The following SDK1 variants were observed in gnomAD, a reference collection of about 807,000 sequenced individuals.
SDK1 encodes the protein protein sidekick-1.
Under a neutral mutation model 245.5 loss-of-function variants are expected in SDK1, and 157 were observed. That is an observed-to-expected ratio of 0.64 (90% CI 0.56 to 0.73). The LOEUF is 0.73. Ranked by LOEUF, SDK1 falls within the 30% of genes least tolerant of loss-of-function variation. SDK1 has a pLI of 0.00. For missense variants in SDK1, 3,583 were observed against 3,002.3 expected (o/e 1.19, Z -4.52); for synonymous variants, 1,647 against 1,278.5 (o/e 1.29, Z -6.15).
At chr7:3,413,039 T>C (rs1779256636) in intron 1 of SDK1, among the ~76,000 whole-genome samples, 1 of 152,166 alleles carries the variant, frequency 6.6e-6, no homozygotes, top group Non-Finnish European at 1.5e-5. Flanking sequence ...ATAATACACA[T>C]GACAATATAA....
intron 4 of SDK1, among the ~76,000 whole-genome samples, chr7:3,733,822 A>T (rs913620335): frequency 3.3e-5 from 5 of 152,182 alleles, no homozygotes; most frequent in Non-Finnish European, 7.3e-5. Context: ...AACGCCGATT[A>T]TGACTATTGT....
chr7:3,942,484 A>G (rs1201188044), intron 5 of SDK1, among the ~76,000 whole-genome samples: 2 of 152,244 alleles, frequency 1.3e-5, no homozygotes, highest in African/African-American at 2.4e-5. Flanking sequence ...AACACGATCA[A>G]AAAATACTAT....
chr7:3,990,223 C>A (rs541718430), intron 14 of SDK1, among the ~76,000 whole-genome samples: 1 of 152,356 alleles, frequency 6.6e-6, no homozygotes, highest in East Asian at 1.9e-4. Flanking sequence ...TCTAAGGTTA[C>A]ACCTTCCAGT....
At chr7:3,591,289 T>G (rs1339748371) in intron 1 of SDK1, among the ~76,000 whole-genome samples, 3 of 152,202 alleles carry the variant, frequency 2.0e-5, no homozygotes, top group Non-Finnish European at 4.4e-5. Flanking sequence ...GACCTAAGTT[T>G]TTGAAACCTC....
At chr7:3,355,282 T>C (rs776970549) in intron 1 of SDK1, among the ~76,000 whole-genome samples, 2 of 152,226 alleles carry the variant, frequency 1.3e-5, no homozygotes, top group Non-Finnish European at 2.9e-5. Flanking sequence ...AGCTATCCAC[T>C]GAAGAAAATT....
intron 1 of SDK1, among the ~76,000 whole-genome samples, chr7:3,337,667 T>G (rs1196933648): frequency 1.3e-5 from 2 of 152,162 alleles, no homozygotes; most frequent in African/African-American, 4.8e-5. Flanking sequence ...GTGTAATTTG[T>G]AGGGGAAAAC....
At chr7:3,333,281 A>G (rs548041775) in intron 1 of SDK1, among the ~76,000 whole-genome samples, 12 of 152,270 alleles carry the variant, frequency 7.9e-5, no homozygotes, top group African/African-American at 2.2e-4. Flanking sequence ...AATGTCTGCA[A>G]TGTTTTCTAG....
intron 1 of SDK1, among the ~76,000 whole-genome samples, chr7:3,336,009 C>T (rs1240872369): frequency 6.6e-6 from 1 of 152,152 alleles, no homozygotes; most frequent in Non-Finnish European, 1.5e-5. Context: ...CTATCTCCCA[C>T]ATGTCTAGTA....
rs146964114 is a variant in SDK1 at position 4,062,799 on chromosome 7, A to C, written c.2912-5039A>C. ...ATCCCAGGGATGCAAGGATGGTTCA[A>C]CATATACATATCCATAAATGTGATA... On this transcript the variant is annotated intron_variant, in intron 19 of 44. Transcript: ENST00000404826. Among the ~76,000 whole-genome samples, 23 of 152,362 alleles carry C rather than the reference A, an allele frequency of 1.5e-4. 1 individual carries two copies. Among genetic ancestry groups the C allele is most frequent in the South Asian group, 8.3e-4 (4 of 4,826 alleles).
chr7:3,514,217 T>G (rs936625483), intron 1 of SDK1, among the ~76,000 whole-genome samples: 1 of 152,200 alleles, frequency 6.6e-6, no homozygotes, highest in Non-Finnish European at 1.5e-5. Flanking sequence ...CTGATTTTTG[T>G]GTATAGGAGA....
intron 5 of SDK1, among the ~76,000 whole-genome samples, chr7:3,937,063 T>A (rs6951851): frequency 0.42 from 64,084 of 152,104 alleles, 16,077 homozygotes; most frequent in African/African-American, 0.71. Context: ...ATGTCAAGAA[T>A]ACTGTCCGTG....
intron 1 of SDK1, among the ~76,000 whole-genome samples, chr7:3,561,501 T>C (rs140753124): frequency 8.7e-4 from 132 of 152,306 alleles, no homozygotes; most frequent in African/African-American, 3.1e-3. Flanking sequence ...TCATGAGCAC[T>C]GTTTTCCCTG....
intron 1 of SDK1, among the ~76,000 whole-genome samples, chr7:3,365,377 C>G (rs563262684): frequency 6.6e-6 from 1 of 152,234 alleles, no homozygotes; most frequent in East Asian, 1.9e-4. Context: ...ATTCTGGGTA[C>G]CATTGCAATA....
chr7:3,774,388 G>A (rs10269303), intron 4 of SDK1, among the ~76,000 whole-genome samples: 1 of 152,188 alleles, frequency 6.6e-6, no homozygotes, highest in Non-Finnish European at 1.5e-5. Flanking sequence ...GATGTCTTGT[G>A]TTTGGAGGAC....
intron 1 of SDK1, among the ~76,000 whole-genome samples, chr7:3,519,818 A>T (rs1269682636): frequency 6.6e-6 from 1 of 152,174 alleles, no homozygotes; most frequent in African/African-American, 2.4e-5. Context: ...AGCCTTCTGT[A>T]ATGCTAAACT....
At chr7:3,784,634 G>A (rs962660297) in intron 4 of SDK1, among the ~76,000 whole-genome samples, 2 of 152,142 alleles carry the variant, frequency 1.3e-5, no homozygotes, top group Non-Finnish European at 2.9e-5. Flanking sequence ...AATCACTAAG[G>A]AAATGCAAAT....
At chr7:3,461,800 T>C (rs1429583240) in intron 1 of SDK1, among the ~76,000 whole-genome samples, 2 of 152,172 alleles carry the variant, frequency 1.3e-5, no homozygotes, top group East Asian at 3.9e-4. Context: ...ATTTCCTCCT[T>C]TTATTAAATA....
intron 5 of SDK1, among the ~76,000 whole-genome samples, chr7:3,828,623 A>G (rs1450262727): frequency 6.6e-6 from 1 of 150,544 alleles, no homozygotes; most frequent in Non-Finnish European, 1.5e-5. Flanking sequence ...ATATGGTTAA[A>G]AACATTTTTT....
chr7:3,414,023 G>A (rs531702938), intron 1 of SDK1, among the ~76,000 whole-genome samples: 2 of 152,220 alleles, frequency 1.3e-5, no homozygotes, highest in East Asian at 3.9e-4. Flanking sequence ...GATTGGGAGG[G>A]GGCAAGGGAT....
Sources: gnomAD v4.1 joint callset for allele counts (sites outside exome capture counted in the v4.1 genomes callset) on GRCh38, gnomAD v4.1.1 for gene constraint, MANE v1.5 for transcripts, NCBI Gene and HGNC (gene_info 2026-07-23, HGNC 2026-07-21) for gene names.